The following PCDHA2 variants were observed in gnomAD, a reference collection of about 807,000 sequenced individuals.
The protein encoded by PCDHA2 is protocadherin alpha-2.
In PCDHA2, 58 loss-of-function variants were observed where a neutral mutation model predicts 66.0. The observed-to-expected ratio is 0.88, with a 90% CI of 0.71 to 1.09. The LOEUF is 1.09. PCDHA2 is among the 50% of genes least tolerant of loss of function. The pLI, the probability that PCDHA2 is intolerant of heterozygous loss-of-function variation, is 0.00. For synonymous variants in PCDHA2, 634 were observed against 554.0 expected (o/e 1.14, Z -2.03); for missense variants, 1,267 against 1,242.3 (o/e 1.02, Z -0.30).
intron 1 of PCDHA2, among the ~76,000 whole-genome samples, chr5:140,913,794 T>A: frequency 6.6e-6 from 1 of 152,194 alleles, no homozygotes. Context: ...ATCATTTGTT[T>A]GAATCAAATT....
intron 1 of PCDHA2, chr5:140,823,606 C>A: frequency 6.2e-7 from 1 of 1,614,048 alleles, no homozygotes; most frequent in Non-Finnish European, 8.5e-7. Context: ...GTATGAGCTG[C>A]AGCCAGCGCC....
chr5:140,967,192 C>T (rs2096111456), intron 1 of PCDHA2: 1 of 1,613,408 alleles, frequency 6.2e-7, no homozygotes, highest in South Asian at 1.1e-5. Context: ...TGGACATCAA[C>T]GACAACTCAC....
At chr5:140,838,766 T>C (rs2150292312) in intron 1 of PCDHA2, among the ~76,000 whole-genome samples, 4 of 151,986 alleles carry the variant, frequency 2.6e-5, no homozygotes, top group Non-Finnish European at 4.4e-5. Context: ...GTAGAGACTT[T>C]GTAAAATTAG....
chr5:140,887,838 T>C (rs1434293324), intron 1 of PCDHA2, among the ~76,000 whole-genome samples: 1 of 152,210 alleles, frequency 6.6e-6, no homozygotes. Context: ...TGAATATCTT[T>C]TATTGACATA....
At position 140,794,981 on chromosome 5, in the gene PCDHA2, G is replaced by A; in HGVS notation, c.17G>A (p.Arg6Lys). 6.2e-7 allele frequency: 1 copy of A among 1,611,198 alleles called. No homozygotes were observed. The highest frequency in any genetic ancestry group is 1.3e-5 in the African/African-American group (1 of 74,878). Residue 6 changes from arginine to lysine, a missense_variant, in exon 1 of 4, where the codon AGA becomes AAA. Arg to Lys is a conservative substitution (Grantham distance 26). Transcript: ENST00000526136. ...GGATTGGTAATGGCGTCTTCTATCAGAAGGGGCCGAGGGGCCTGGACACGG... is the reference window on the plus strand; with the variant it reads ...GGATTGGTAATGGCGTCTTCTATCAAAAGGGGCCGAGGGGCCTGGACACGG... MASSI[R>K]RGRGAWTRLL... is the part of the protein sequence containing the mutation.
At chr5:140,987,439 A>G (rs1407783928) in intron 3 of PCDHA2, among the ~76,000 whole-genome samples, 18 of 152,154 alleles carry the variant, frequency 1.2e-4, no homozygotes, top group African/African-American at 3.9e-4. Flanking sequence ...GCCTTTCCCC[A>G]TGCCCGAGAG....
Position 140,795,440 on chromosome 5 carries a change from A to T in PCDHA2, c.476A>T (p.Asp159Val), listed in dbSNP as rs1581614405. The change falls in exon 1 of 4, where the codon GAT (aspartate) becomes GTT (valine). Residue 159 changes from aspartate to valine, a missense_variant. By Grantham distance (152) the Asp-to-Val change is radical. Coordinates refer to ENST00000526136, the MANE Select transcript of PCDHA2 (RefSeq NM_018905.3). ...CGGTTTCCTCTAGAGGGAGCATCTGATGCAGATATAGGAGTAAATGCTCTT... is the reference window on the plus strand; with the variant it reads ...CGGTTTCCTCTAGAGGGAGCATCTGTTGCAGATATAGGAGTAAATGCTCTT... ...DSRFPLEGAS[D>V]ADIGVNALLS... 6 of 1,614,186 alleles carry T rather than the reference A, an allele frequency of 3.7e-6. No homozygotes were observed. Among genetic ancestry groups the T allele is most frequent in the Admixed American group, 1.7e-5 (1 of 60,030 alleles).
chr5:140,877,268 C>T, intron 1 of PCDHA2: 1 of 1,613,828 alleles, frequency 6.2e-7, no homozygotes, highest in South Asian at 1.1e-5. Flanking sequence ...GCGGTGGACG[C>T]TGACTCCGGC....
At chr5:140,963,068 G>C (rs1472395054) in intron 1 of PCDHA2, among the ~76,000 whole-genome samples, 3 of 152,064 alleles carry the variant, frequency 2.0e-5, no homozygotes, top group African/African-American at 7.2e-5. Context: ...CATTGTGAAG[G>C]AGACAGAAAT....
chr5:140,843,306 C>G, intron 1 of PCDHA2: 1 of 1,596,008 alleles, frequency 6.3e-7, no homozygotes, highest in East Asian at 2.2e-5. Context: ...CTGACCGCCA[C>G]GGCCACGGTT....
intron 1 of PCDHA2, chr5:140,876,735 T>C (rs782576636): frequency 2.0e-5 from 33 of 1,614,084 alleles, no homozygotes; most frequent in Non-Finnish European, 2.7e-5. Context: ...TGTCGGCCTA[T>C]GAGCTGGTGG....
chr5:140,971,414 AT>A (rs2096477673), intron 1 of PCDHA2, among the ~76,000 whole-genome samples: 1 of 152,166 alleles, frequency 6.6e-6, no homozygotes, highest in African/African-American at 2.4e-5. Flanking sequence ...ACTTTTGGAA[AT>A]CCAGTGAAGA....
intron 1 of PCDHA2, chr5:140,842,928 G>A (rs2150347921): frequency 6.3e-7 from 1 of 1,594,252 alleles, no homozygotes; most frequent in Admixed American, 1.7e-5. Flanking sequence ...TTCCAGGTGA[G>A]CGCGCGCGAC....
intron 3 of PCDHA2, among the ~76,000 whole-genome samples, chr5:140,999,429 A>G (rs1554256798): frequency 6.6e-6 from 1 of 152,190 alleles, no homozygotes. Flanking sequence ...GAGGCCAAGT[A>G]CCTTGCCTCT....
intron 1 of PCDHA2, among the ~76,000 whole-genome samples, chr5:140,826,640 G>A (rs1234155736): frequency 5.3e-5 from 8 of 152,114 alleles, no homozygotes; most frequent in African/African-American, 1.4e-4. Flanking sequence ...ACTTTTATAT[G>A]AAGGTAACAT....
At chr5:140,810,794 C>T (rs547494894) in intron 1 of PCDHA2, 1 of 152,032 alleles carries the variant, frequency 6.6e-6, no homozygotes, top group Admixed American at 6.5e-5. Context: ...AACCTCATGG[C>T]TAGTTTTTAA....
intron 3 of PCDHA2, among the ~76,000 whole-genome samples, chr5:140,997,593 G>T (rs2097775607): frequency 6.6e-6 from 1 of 152,072 alleles, no homozygotes. Context: ...ACTGAAACAT[G>T]ATTATGGGGC....
intron 1 of PCDHA2, chr5:140,883,398 G>C: frequency 6.2e-7 from 1 of 1,614,166 alleles, no homozygotes; most frequent in Non-Finnish European, 8.5e-7. Context: ...GTGTCCGATC[G>C]TGACTCTGGC....
At chr5:140,848,690 G>T in intron 1 of PCDHA2, 2 of 1,592,462 alleles carry the variant, frequency 1.3e-6, no homozygotes, top group Non-Finnish European at 1.7e-6. Context: ...GCCTGTTCCA[G>T]TTGGATTCCA....
Sources: allele counts gnomAD v4.1 joint callset (sites outside exome capture counted in the v4.1 genomes callset), GRCh38; gene constraint gnomAD v4.1.1; transcripts MANE v1.5; gene names NCBI Gene and HGNC (gene_info 2026-07-23, HGNC 2026-07-21).